ADD3: variants seen among roughly 807,000 people sequenced by gnomAD.
ADD3 encodes the protein gamma-adducin.
ADD3 carries 25 observed loss-of-function variants against 80.2 expected under a neutral mutation model. The observed-to-expected ratio is 0.31, with a 90% CI of 0.23 to 0.44. The LOEUF is 0.44. Among genes scored for constraint, ADD3 ranks in the 20% least tolerant of loss-of-function variants. ADD3 has a pLI of 1.00. For synonymous variants in ADD3, 284 were observed against 289.6 expected, an observed-to-expected ratio of 0.98 and a Z score of 0.20; for missense variants, 829 against 847.5, an observed-to-expected ratio of 0.98 and a Z score of 0.27.
At chr10:110,014,526 A>G (rs1852700175) in intron 1 of ADD3, among the ~76,000 whole-genome samples, 1 of 151,856 alleles carries the variant, frequency 6.6e-6, no homozygotes. Context: ...CAGTTTTTTT[A>G]TTTTTATTTT....
chr10:110,105,927 A>T (rs1000162666), intron 2 of ADD3: 1 of 152,176 alleles, frequency 6.6e-6, no homozygotes, highest in Non-Finnish European at 1.5e-5. Context: ...CTTCATGTTA[A>T]TCAAGACTTA....
At chr10:110,073,138 C>CTTTTTTTT (rs1189793476) in intron 1 of ADD3, among the ~76,000 whole-genome samples, 8 of 94,220 alleles carry the variant, frequency 8.5e-5, no homozygotes, top group African/African-American at 3.6e-4. Flanking sequence ...TTTTAGTTTT[C>CTTTTTTTT]TTTTTTTTTT....
intron 2 of ADD3, among the ~76,000 whole-genome samples, chr10:110,109,577 G>C (rs1849764327): frequency 6.6e-6 from 1 of 152,052 alleles, no homozygotes; most frequent in Non-Finnish European, 1.5e-5. Context: ...CACATAGTAG[G>C]TATCATTAAT....
At chr10:110,045,135 C>T (rs2133336698) in intron 1 of ADD3, among the ~76,000 whole-genome samples, 1 of 152,250 alleles carries the variant, frequency 6.6e-6, no homozygotes, top group Non-Finnish European at 1.5e-5. Context: ...TGGGGTGGAT[C>T]ACAAGGTCAG....
At chr10:110,055,475 T>C (rs1184680280) in intron 1 of ADD3, among the ~76,000 whole-genome samples, 1 of 152,242 alleles carries the variant, frequency 6.6e-6, no homozygotes, top group East Asian at 1.9e-4. Flanking sequence ...GCATAAGTTA[T>C]TTGGCAATGG....
At chr10:110,096,148 T>C (rs1010968548) in intron 1 of ADD3, among the ~76,000 whole-genome samples, 1 of 152,204 alleles carries the variant, frequency 6.6e-6, no homozygotes, top group Admixed American at 6.5e-5. Context: ...TAGATTATTA[T>C]ATAAAAATAT....
chr10:110,002,672 CA>C (rs1483629961), upstream of ADD3, among the ~76,000 whole-genome samples: 1 of 151,824 alleles, frequency 6.6e-6, no homozygotes, highest in Admixed American at 6.6e-5. Context: ...CAGTTGTTTG[CA>C]TATTTATTTA....
At chr10:110,006,371 C>T (rs1262071478), upstream of ADD3, among the ~76,000 whole-genome samples, 1 of 152,108 alleles carries the variant, frequency 6.6e-6, no homozygotes, top group Non-Finnish European at 1.5e-5. Flanking sequence ...AAAGGCTAAC[C>T]TTGATGCATG....
chr10:110,058,659 A>G (rs1413916001), intron 1 of ADD3, among the ~76,000 whole-genome samples: 2 of 152,152 alleles, frequency 1.3e-5, no homozygotes, highest in Non-Finnish European at 2.9e-5. Flanking sequence ...TTTCTTGGGG[A>G]AAAAATGCTC....
intron 2 of ADD3, 38 bp downstream of exon 2, chr10:110,100,886 T>C: frequency 6.5e-7 from 1 of 1,528,236 alleles, no homozygotes; most frequent in Non-Finnish European, 8.8e-7. Context: ...TTCTCCCTCT[T>C]TGGAAATGTT....
At chr10:110,100,498 G>T (rs761585270) in intron 1 of ADD3, 127 bp from the exon 2 acceptor site, 13 of 482,708 alleles carry the variant, frequency 2.7e-5, no homozygotes, top group Non-Finnish European at 4.7e-5. Context: ...TAATATTTTT[G>T]AGAAGCTACT....
Position 110,079,895 on chromosome 10 carries a change from G to A in ADD3, c.-29-20730G>A, listed in dbSNP as rs552599863. Among the ~76,000 whole-genome samples, 5 of 152,240 alleles carry A rather than the reference G, an allele frequency of 3.3e-5. No homozygotes were observed. The South Asian group carries it at 1.0e-3, about 32-fold the overall frequency. ...ACTTTATTGTGTGGATGGATGTACT[G>A]TAACTCAGTTATTCCTCCTTTGATG... On this transcript the variant is annotated intron_variant, in intron 1 of 14. Coordinates refer to ENST00000356080, the MANE Select transcript of ADD3 (RefSeq NM_016824.5).
At chr10:110,129,583 T>A (rs1179603210) in intron 12 of ADD3, among the ~76,000 whole-genome samples, 4 of 152,188 alleles carry the variant, frequency 2.6e-5, no homozygotes, top group African/African-American at 7.2e-5. Context: ...TATTTTCACC[T>A]TTTCCTTACC....
At chr10:110,044,411 A>C (rs1856702360) in intron 1 of ADD3, among the ~76,000 whole-genome samples, 1 of 152,216 alleles carries the variant, frequency 6.6e-6, no homozygotes, top group African/African-American at 2.4e-5. Flanking sequence ...TTCATACTTA[A>C]TTGATGCTTA....
chr10:110,103,123 G>A (rs1405044442), intron 2 of ADD3, among the ~76,000 whole-genome samples: 3 of 152,150 alleles, frequency 2.0e-5, no homozygotes, highest in Non-Finnish European at 4.4e-5. Flanking sequence ...ACTTAAGAAA[G>A]TGTATACATT....
chr10:110,019,913 G>A (rs1853470601), intron 1 of ADD3, among the ~76,000 whole-genome samples: 1 of 152,222 alleles, frequency 6.6e-6, no homozygotes, highest in African/African-American at 2.4e-5. Context: ...TACCCCAGGA[G>A]CTTGTCAACT....
chr10:110,044,492 A>C (rs993598315), intron 1 of ADD3, among the ~76,000 whole-genome samples: 2 of 152,226 alleles, frequency 1.3e-5, no homozygotes, highest in African/African-American at 4.8e-5. Flanking sequence ...CAAGCACTTC[A>C]TGTATTCTTT....
At chr10:110,120,480 G>C (rs1315287860) in intron 8 of ADD3, among the ~76,000 whole-genome samples, 1 of 151,862 alleles carries the variant, frequency 6.6e-6, no homozygotes, top group African/African-American at 2.4e-5. Context: ...ATCATTGTTG[G>C]ACATTTGGTT....
intron 1 of ADD3, among the ~76,000 whole-genome samples, chr10:110,042,112 T>C (rs1856439162): frequency 1.3e-5 from 2 of 152,200 alleles, no homozygotes; most frequent in Non-Finnish European, 2.9e-5. Context: ...GAAATAAACT[T>C]TGTGATTAGA....
Sources: gnomAD v4.1 joint callset for allele counts (sites outside exome capture counted in the v4.1 genomes callset) on GRCh38, gnomAD v4.1.1 for gene constraint, MANE v1.5 for transcripts, NCBI Gene and HGNC (gene_info 2026-07-23, HGNC 2026-07-21) for gene names.